Variants in TBCB observed in about 807,000 individuals in gnomAD.
TBCB encodes tubulin folding cofactor B, also known as tubulin-folding cofactor B.
In TBCB, 18 loss-of-function variants were observed where a neutral mutation model predicts 29.2. That is an observed-to-expected ratio of 0.62 (90% CI 0.43 to 0.91). TBCB has a LOEUF of 0.91. Ranked by LOEUF, TBCB falls within the 40% of genes least tolerant of loss-of-function variation. TBCB has a pLI of 0.00. For synonymous variants in TBCB, 172 were observed against 137.8 expected (o/e 1.25, Z -1.74); for missense variants, 336 against 337.6 (o/e 1.00, Z 0.04).
intron 3 of TBCB, 79 bp downstream of exon 3, chr19:36,120,885 G>A: frequency 7.1e-7 from 1 of 1,409,442 alleles, no homozygotes; most frequent in Admixed American, 1.8e-5. Context: ...AGGTTAGACA[G>A]GGCCCCTGCA....
intron 2 of TBCB, 63 bp downstream of exon 2, chr19:36,116,247 C>G: frequency 1.3e-6 from 2 of 1,588,090 alleles, no homozygotes; most frequent in Non-Finnish European, 1.7e-6. Context: ...TCAACAGACA[C>G]TTGCTGGGCT....
chr19:36,116,068 C>T lies in TBCB; in HGVS notation c.142C>T (p.Pro48Ser). The change falls in exon 2 of 6, where the codon CCT becomes TCT. Residue 48 changes from proline to serine, a missense_variant. Pro to Ser is a moderately conservative substitution (Grantham distance 74, BLOSUM62 -1). Coordinates refer to ENST00000221855, the MANE Select transcript of TBCB (RefSeq NM_001281.3). ...KCKLELLVGSPASCMELELYG... is the reference protein window; with the variant it reads ...KCKLELLVGSSASCMELELYG... ...TAAACTGGAGTTGCTGGTGGGCAGC[C>T]CTGCTTCCTGCATGGAACTGGAGCT... 6.2e-7 allele frequency: 1 copy of T among 1,614,146 alleles called. No homozygotes were observed. The highest frequency in any genetic ancestry group is 8.5e-7 in the Non-Finnish European group (1 of 1,180,026).
rs1364195079 is a variant in TBCB at position 36,121,829 on chromosome 19, G to T, written c.547+111G>T. The T allele has an allele frequency of 3.0e-6, 4 of 1,350,864 alleles. No individual in the cohort carries two copies. The East Asian group carries it at 7.5e-5, about 25-fold the overall frequency. The allele number at this position is 1,350,864 out of a possible 1,614,324, so 83.7% of individuals were successfully genotyped here. On this transcript the variant is annotated intron_variant, in intron 4 of 5. Transcript: ENST00000221855. Reference sequence around the variant, plus strand: ...ACGCTCTGCCTAGGGGCGCGGGGTTGGGGGGGACTCGAAACGATCTCAGTC... The same window carrying T: ...ACGCTCTGCCTAGGGGCGCGGGGTTTGGGGGGACTCGAAACGATCTCAGTC...
chr19:36,119,956 T>C (rs1974016068), intron 2 of TBCB, among the ~76,000 whole-genome samples: 1 of 150,836 alleles, frequency 6.6e-6, no homozygotes, highest in African/African-American at 2.4e-5. Flanking sequence ...TCCCTCTGGC[T>C]CGCTCCACCC....
At chr19:36,116,560 C>T (rs1278162532) in intron 2 of TBCB, 28 of 182,760 alleles carry the variant, frequency 1.5e-4, no homozygotes, top group African/African-American at 4.7e-5. Context: ...TCACAGTGAG[C>T]GACCAGGCTG....
chr19:36,124,516 C>T (rs1293943692), intron 4 of TBCB, among the ~76,000 whole-genome samples: 1 of 151,956 alleles, frequency 6.6e-6, no homozygotes, highest in Non-Finnish European at 1.5e-5. Flanking sequence ...TGAGCCACTG[C>T]GCCCATCGGT....
Position 36,121,701 on chromosome 19 carries a change from G to A in TBCB, c.530G>A (p.Gly177Asp). 1 of 1,551,396 alleles carries A rather than the reference G, an allele frequency of 6.4e-7. No homozygotes were observed. The highest frequency in any genetic ancestry group is 1.9e-5 in the Admixed American group (1 of 51,496). Residue 177 changes from glycine (G) to aspartate (D), a missense_variant, in exon 4 of 6, where the codon GGC becomes GAC. By Grantham distance (94) the Gly-to-Asp change is moderately conservative. Coordinates refer to ENST00000221855, the MANE Select transcript of TBCB (RefSeq NM_001281.3). ...GCGGCGGGACAATCCCCTCGCCGGG[G>A]CACCGTCATGTATGTAGGTGCGTGG... is the stretch of plus-strand genomic sequence containing the variant. ...VRAAGQSPRR[G>D]TVMYVGLTDF...
Position 36,116,158 on chromosome 19 carries a change from C to T in TBCB, c.232C>T (p.Pro78Ser). ...AGAGGATGCGCTCCTGGGCTCCTAC[C>T]CTGTAGATGACGGCTGCCGCATCCA... is the stretch of plus-strand genomic sequence containing the variant. ...DQEDALLGSYPVDDGCRIHVI... is the reference protein window; with the variant it reads ...DQEDALLGSYSVDDGCRIHVI... Residue 78 changes from proline (P) to serine (S), a missense_variant, in exon 2 of 6, where the codon CCT becomes TCT. Transcript: ENST00000221855. 1 of 1,614,134 alleles carries T rather than the reference C, an allele frequency of 6.2e-7. No homozygotes were observed. Among genetic ancestry groups the T allele is most frequent in the Non-Finnish European group, 8.5e-7 (1 of 1,180,006 alleles).
intron 4 of TBCB, among the ~76,000 whole-genome samples, chr19:36,122,571 C>CAAAA (rs759711385): frequency 2.2e-5 from 2 of 91,542 alleles, no homozygotes; most frequent in Non-Finnish European, 2.2e-5. Flanking sequence ...CCTGTCTCTA[C>CAAAA]AAAAAAAAAA....
At chr19:36,124,463 C>G (rs1974104909) in intron 4 of TBCB, among the ~76,000 whole-genome samples, 2 of 152,110 alleles carry the variant, frequency 1.3e-5, no homozygotes, top group South Asian at 4.1e-4. Flanking sequence ...TCAAGTGATC[C>G]ACCTGAGCTG....
intron 2 of TBCB, chr19:36,120,493 A>G: frequency 1.8e-6 from 1 of 552,784 alleles, no homozygotes. Context: ...GGACAGAGGC[A>G]GCCTCTGGGA....
upstream of TBCB, chr19:36,115,224 CCTT>C (rs1252116577): frequency 2.4e-5 from 13 of 536,460 alleles, no homozygotes; most frequent in Admixed American, 4.3e-4. Flanking sequence ...GCGAGTTTAC[CCTT>C]CGCGGACTGG....
At chr19:36,115,221 T>TA (rs1973924318), upstream of TBCB, 1 of 533,410 alleles carries the variant, frequency 1.9e-6, no homozygotes, top group African/African-American at 2.0e-5. Flanking sequence ...TGCGCGAGTT[T>TA]ACCCTTCGCG....
At chr19:36,123,506 C>T (rs760434848) in intron 4 of TBCB, among the ~76,000 whole-genome samples, 11 of 152,134 alleles carry the variant, frequency 7.2e-5, no homozygotes, top group Non-Finnish European at 1.5e-4. Context: ...CTCAAGTGAT[C>T]GTCCTGCTTC....
Position 36,125,679 on chromosome 19 carries a change from A to G in TBCB, c.632A>G (p.Lys211Arg), listed in dbSNP as rs917383912. Residue 211 changes from lysine to arginine, a missense_variant, in exon 6 of 6, where the codon AAA (lysine) becomes AGA (arginine). Coordinates refer to ENST00000221855, the MANE Select transcript of TBCB (RefSeq NM_001281.3). Reference protein sequence around the residue: ...LGKNDGSVNGKRYFECQAKYG... With the variant: ...LGKNDGSVNGRRYFECQAKYG... ...ATCCTTTCCTGCAGTGTGAATGGGA[A>G]ACGCTACTTCGAATGCCAGGCCAAG... 3.5e-5 allele frequency: 56 copies of G among 1,580,550 alleles called. No individual in the cohort carries two copies. Among genetic ancestry groups the G allele is most frequent in the Middle Eastern group, 1.7e-4 (1 of 5,900 alleles).
At chr19:36,115,191 T>C (rs1169851081), upstream of TBCB, 6 of 542,208 alleles carry the variant, frequency 1.1e-5, no homozygotes, top group Middle Eastern at 4.8e-4. Flanking sequence ...GCGCTTGGCT[T>C]GGTTGAAGGC....
intron 3 of TBCB, 34 bp from the exon 4 acceptor site, chr19:36,121,493 C>T (rs761086607): frequency 3.3e-6 from 5 of 1,534,520 alleles, no homozygotes; most frequent in Non-Finnish European, 4.4e-6. Context: ...GCCCGGCCGA[C>T]ACCCCAACTG....
intron 4 of TBCB, among the ~76,000 whole-genome samples, chr19:36,124,692 C>T (rs1258183295): frequency 6.6e-6 from 1 of 152,134 alleles, no homozygotes; most frequent in African/African-American, 2.4e-5. Context: ...TACAGGCGCC[C>T]GCCACCACAC....
rs767250100 is a variant in TBCB at position 36,125,522 on chromosome 19, AG to A, written c.620+1del. The A allele has an allele frequency of 6.8e-6, 11 of 1,614,112 alleles. No individual in the cohort carries two copies. Among genetic ancestry groups the A allele is most frequent in the Non-Finnish European group, 9.3e-6 (11 of 1,180,046 alleles). Reference sequence around the variant, plus strand: ...TGAGCCACTGGGGAAAAATGATGGCAGGTAACAAGAATTCCCACTCAGGTGT... The same window carrying A: ...TGAGCCACTGGGGAAAAATGATGGCAGTAACAAGAATTCCCACTCAGGTGT... The part of the protein sequence containing the change: ...YDEPLGKNDG[S>X]VNGKRYFECQ... On this transcript the variant is annotated frameshift_variant and splice_region_variant, in exon 5 of 6. Transcript: ENST00000221855. LOFTEE classifies it high-confidence loss of function.
Sources: allele counts gnomAD v4.1 joint callset (sites outside exome capture counted in the v4.1 genomes callset), GRCh38; gene constraint gnomAD v4.1.1; transcripts MANE v1.5; gene names NCBI Gene and HGNC (gene_info 2026-07-23, HGNC 2026-07-21).